The following USP54 variants were observed in gnomAD, a reference collection of about 807,000 sequenced individuals.
USP54 encodes the protein ubiquitin carboxyl-terminal hydrolase 54.
A neutral mutation model predicts 170.5 loss-of-function variants in USP54; 87 were observed. The observed-to-expected ratio is 0.51, with a 90% CI of 0.43 to 0.61. The LOEUF (loss-of-function observed/expected upper bound fraction) is 0.61. USP54 is among the 20% of genes least tolerant of loss of function. USP54 has a pLI of 0.00. For missense variants in USP54, 1,786 were observed against 2,047.8 expected (o/e 0.87, Z 2.47); for synonymous variants, 655 against 742.8 (o/e 0.88, Z 1.92).
chr10:73,547,810 CAT>C lies in USP54; in HGVS notation c.241-2140_241-2139del, dbSNP rs528296768. On this transcript the variant is annotated intron_variant, in intron 4 of 23. Coordinates refer to ENST00000687698, the MANE Select transcript of USP54 (RefSeq NM_001391956.1). ...AAAACCTAGGCAATACCATTCAGGA[CAT>C]AGGCATGGGCAAGGACTTCATGACT... 1.7e-3 allele frequency among the ~76,000 whole-genome samples: 253 copies of C among 152,288 alleles called. 1 individual carries two copies. The highest frequency in any genetic ancestry group is 5.9e-3 in the African/African-American group (244 of 41,556).
At chr10:73,536,484 CACAATTCACA>C (rs779769485) in intron 10 of USP54, 47 bp from the exon 11 acceptor site, 33 of 1,471,806 alleles carry the variant, frequency 2.2e-5, no homozygotes, top group Non-Finnish European at 2.5e-5. Context: ...ACTTTATACC[CACAATTCACA>C]ACATATCTTT....
In USP54 at chr10:73,534,714, G is replaced by A. The variant is rs971640935; in HGVS notation, c.1201C>T (p.Pro401Ser). 11 of 1,614,042 alleles carry A rather than the reference G, an allele frequency of 6.8e-6. No homozygotes were observed. Among genetic ancestry groups the A allele is most frequent in the Non-Finnish European group, 9.3e-6 (11 of 1,180,012 alleles). ...TRTDSSTESYPYKHSHHESVV... is the reference protein window; with the variant it reads ...TRTDSSTESYSYKHSHHESVV... ...GACTCATGGTGGGAATGTTTGTAGG[G>A]ATAGCTCTCCGTTGAGGAATCTGTT... Residue 401 changes from proline (P) to serine (S), a missense_variant, in exon 12 of 24, where the codon CCC becomes TCC. Pro to Ser is a moderately conservative substitution (Grantham distance 74). Coordinates refer to ENST00000687698, the MANE Select transcript of USP54 (RefSeq NM_001391956.1).
chr10:73,519,813 G>A lies in USP54; in HGVS notation c.2662C>T (p.Leu888Phe). 1 of 1,613,966 alleles carries A rather than the reference G, an allele frequency of 6.2e-7. No homozygotes were observed. Among genetic ancestry groups the A allele is most frequent in the African/African-American group, 1.3e-5 (1 of 75,018 alleles). ...AAGCACTACCTTGTTGGCTGAGAGA[G>A]AGTCCCCGCCTGTGTTGGGAGGCAG... ...SACLPTQAGT[L>F]SQPTSEQPIP... Residue 888 changes from leucine to phenylalanine, a missense_variant, in exon 19 of 24, where the codon CTC becomes TTC. This residue lies in a region of USP54 where 1,418 missense variants were observed against 1,569.0 expected (regional missense o/e 0.90). Coordinates refer to ENST00000687698, the MANE Select transcript of USP54 (RefSeq NM_001391956.1).
intron 1 of USP54, among the ~76,000 whole-genome samples, chr10:73,617,643 AAT>A (rs2080749763): frequency 6.7e-6 from 1 of 150,056 alleles, no homozygotes. Flanking sequence ...CAGCCTGGGC[AAT>A]ATAGTGAGAC....
chr10:73,625,893 C>T (rs1485352714), upstream of USP54: 1 of 150,110 alleles, frequency 6.7e-6, no homozygotes, highest in East Asian at 2.0e-4. Context: ...ACCCCCTGCA[C>T]CCCGTTACCC....
chr10:73,540,649 C>T (rs1203449604), intron 9 of USP54, among the ~76,000 whole-genome samples: 1 of 152,194 alleles, frequency 6.6e-6, no homozygotes, highest in Non-Finnish European at 1.5e-5. Context: ...AATGTAGTGG[C>T]TATTCACAGG....
At chr10:73,624,767 G>A (rs1213868164) in intron 1 of USP54, among the ~76,000 whole-genome samples, 1 of 152,112 alleles carries the variant, frequency 6.6e-6, no homozygotes, top group East Asian at 1.9e-4. Flanking sequence ...AAGACTAGAT[G>A]TTTTCCCCTC....
At chr10:73,615,941 T>C (rs1321426440) in intron 1 of USP54, among the ~76,000 whole-genome samples, 1 of 144,056 alleles carries the variant, frequency 6.9e-6, no homozygotes, top group Non-Finnish European at 1.5e-5. Context: ...GCACAGTGGC[T>C]CACACCTGTA....
At chr10:73,544,185 C>T (rs1283349135) in intron 5 of USP54, among the ~76,000 whole-genome samples, 11 of 152,170 alleles carry the variant, frequency 7.2e-5, no homozygotes, top group East Asian at 3.8e-4. Flanking sequence ...TCAAGTGATC[C>T]GCCCACCTTG....
At chr10:73,529,509 G>C (rs76839096) in intron 15 of USP54, 171 bp downstream of exon 15, 5 of 733,528 alleles carry the variant, frequency 6.8e-6, no homozygotes, top group Non-Finnish European at 1.2e-5. Context: ...CCTTTCTCAA[G>C]TGCCTCTGTT....
chr10:73,591,253 T>G (rs2078215291), intron 1 of USP54, 25 bp downstream of exon 1: 1 of 152,114 alleles, frequency 6.6e-6, no homozygotes, highest in Admixed American at 6.6e-5. Context: ...CTATCTGTTT[T>G]TACCACAACA....
At chr10:73,585,698 A>G (rs1385176102) in intron 1 of USP54, among the ~76,000 whole-genome samples, 2 of 152,190 alleles carry the variant, frequency 1.3e-5, no homozygotes, top group African/African-American at 2.4e-5. Context: ...TTTATGCTGC[A>G]TATTTTTGAT....
intron 15 of USP54, among the ~76,000 whole-genome samples, chr10:73,529,350 A>G (rs1429878330): frequency 6.6e-6 from 1 of 152,246 alleles, no homozygotes. Flanking sequence ...AGTGAGTACT[A>G]GCTTAATATG....
intron 4 of USP54, among the ~76,000 whole-genome samples, chr10:73,571,046 G>A (rs562521178): frequency 2.7e-5 from 4 of 148,808 alleles, no homozygotes; most frequent in Admixed American, 6.8e-5. Context: ...GCTGAGACAG[G>A]AGAATTGCTG....
At chr10:73,507,369 G>C (rs2059319893) in intron 20 of USP54, 1 of 151,950 alleles carries the variant, frequency 6.6e-6, no homozygotes, top group Non-Finnish European at 1.5e-5. Flanking sequence ...ACTATAGGTA[G>C]CCAGGTTTAA....
intron 1 of USP54, among the ~76,000 whole-genome samples, chr10:73,589,541 T>C (rs757922262): frequency 3.9e-4 from 60 of 152,354 alleles, no homozygotes; most frequent in South Asian, 8.3e-4. Context: ...CCGAATTTTA[T>C]GAATCACTAA....
At chr10:73,580,745 G>A (rs1288995963) in intron 1 of USP54, among the ~76,000 whole-genome samples, 1 of 151,804 alleles carries the variant, frequency 6.6e-6, no homozygotes, top group East Asian at 1.9e-4. Context: ...GCTATTTTTT[G>A]TATTTTTGTA....
chr10:73,522,310 G>C (rs548036527), intron 17 of USP54, among the ~76,000 whole-genome samples: 2 of 152,230 alleles, frequency 1.3e-5, no homozygotes, highest in African/African-American at 4.8e-5. Context: ...GAGGTAGGGC[G>C]TAGAGCCATT....
chr10:73,621,599 CAAAA>C (rs11380656), intron 1 of USP54, among the ~76,000 whole-genome samples: 1 of 61,178 alleles, frequency 1.6e-5, no homozygotes, highest in Non-Finnish European at 3.6e-5. Flanking sequence ...CACTCCGTCT[CAAAA>C]AAAAAAAAAA....
Sources: allele counts gnomAD v4.1 joint callset (sites outside exome capture counted in the v4.1 genomes callset), GRCh38; gene constraint gnomAD v4.1.1; regional missense constraint gnomAD v4.1.1; transcripts MANE v1.5; gene names NCBI Gene and HGNC (gene_info 2026-07-23, HGNC 2026-07-21).